The following TREML1 variants were observed in gnomAD, a reference collection of about 807,000 sequenced individuals.
TREML1 encodes the protein trem-like transcript 1 protein.
In TREML1, 27 loss-of-function variants were observed where a neutral mutation model predicts 22.8. The ratio of observed to expected loss-of-function variants is 1.19; its 90% CI spans 0.87 to 1.64. The LOEUF (loss-of-function observed/expected upper bound fraction) is 1.64, where lower values mean the gene tolerates loss of function less well. Ranked by LOEUF, TREML1 falls within the 40% of genes most tolerant of loss-of-function variation. The pLI is 0.00. For missense variants in TREML1, 356 were observed against 382.0 expected, an observed-to-expected ratio of 0.93 and a Z score of 0.57; for synonymous variants, 153 against 161.9, an observed-to-expected ratio of 0.94 and a Z score of 0.42.
Position 41,151,296 on chromosome 6 carries a change from GCT to G in TREML1, c.463_464del (p.Ser155ProfsTer3). 6.2e-7 allele frequency: 1 copy of G among 1,614,102 alleles called. No individual in the cohort carries two copies. Among genetic ancestry groups the G allele is most frequent in the South Asian group, 1.1e-5 (1 of 91,082 alleles). On this transcript the variant is annotated frameshift_variant, in exon 3 of 6. Coordinates refer to ENST00000426005, the MANE Select transcript of TREML1 (RefSeq NM_178174.4). LOFTEE classifies it high-confidence loss of function. ...CCTGTCAGTACCTCTTCTCATCCTG[GCT>G]GGGTTCCAAAGGGTTGGCACTGCCT... ...PAGSANPLEPSQDEKSIPLIW... is the reference protein window; with the variant it reads ...PAGSANPLEPXQDEKSIPLIW...
intron 2 of TREML1, among the ~76,000 whole-genome samples, chr6:41,152,369 G>A (rs1195591611): frequency 1.3e-5 from 2 of 152,178 alleles, no homozygotes; most frequent in East Asian, 3.9e-4. Context: ...CTGCCTCCCT[G>A]ACGCTCCTCC....
At chr6:41,151,034 G>T in intron 3 of TREML1, 127 bp from the exon 4 acceptor site, 1 of 829,088 alleles carries the variant, frequency 1.2e-6, no homozygotes, top group East Asian at 2.6e-5. Context: ...ATAGAATGAG[G>T]GGAGCTGACT....
At chr6:41,153,673 C>A in intron 2 of TREML1, 85 bp downstream of exon 2, 1 of 1,409,616 alleles carries the variant, frequency 7.1e-7, no homozygotes, top group Non-Finnish European at 9.6e-7. Context: ...GGGGCCCCCA[C>A]TCCTCAAGAA....
Position 41,149,610 on chromosome 6 carries a change from G to C in TREML1, c.930C>G (p.Ser310=), listed in dbSNP as rs1189735452. Residue 310 remains serine, a synonymous_variant, in exon 6 of 6, where the codon TCC becomes TCG. Transcript: ENST00000426005. The part of the protein sequence containing the change: ...AQNPPNNQTP[S]S ...TTAAAGTGTGATGAGCAGCTTAGCTGGATGGAGTCTGATTGTTAGGTGGAT... is the reference window on the plus strand; with the variant it reads ...TTAAAGTGTGATGAGCAGCTTAGCTCGATGGAGTCTGATTGTTAGGTGGAT... 1.9e-6 allele frequency: 3 copies of C among 1,610,316 alleles called. No individual in the cohort carries two copies. The highest frequency in any genetic ancestry group is 3.3e-5 in the Admixed American group (2 of 59,912).
chr6:41,153,861 C>A lies in TREML1; in HGVS notation c.273G>T (p.Met91Ile), dbSNP rs1354212257. ...DLGGGLLQVE[M>I]VTLQEEDAGE... ...CAGCATCCTCTTCCTGCAGGGTAACCATTTCCACCTGCAGCAGGCCCCCAC... is the reference window on the plus strand; with the variant it reads ...CAGCATCCTCTTCCTGCAGGGTAACAATTTCCACCTGCAGCAGGCCCCCAC... The change falls in exon 2 of 6, where the codon ATG (methionine) becomes ATT (isoleucine). Residue 91 changes from methionine (M) to isoleucine (I), a missense_variant. Physicochemically the swap from Met to Ile is conservative, Grantham distance 10. Transcript: ENST00000426005. 4.3e-6 allele frequency: 7 copies of A among 1,614,206 alleles called. No homozygotes were observed. Among genetic ancestry groups the A allele is most frequent in the Non-Finnish European group, 5.9e-6 (7 of 1,180,028 alleles).
rs1445747029 is a variant in TREML1 at position 41,149,578 on chromosome 6, C to T, written c.*26G>A. On this transcript the variant is annotated 3_prime_UTR_variant, in exon 6 of 6. Coordinates refer to ENST00000426005, the MANE Select transcript of TREML1 (RefSeq NM_178174.4). ...GCACAGAACCCCTAGGGATGGTCCT[C>T]ATGAGTTTAAAGTGTGATGAGCAGC... 2 of 1,587,824 alleles carry T rather than the reference C, an allele frequency of 1.3e-6. No homozygotes were observed. The highest frequency in any genetic ancestry group is 2.7e-5 in the African/African-American group (2 of 74,706).
chr6:41,152,288 C>T (rs776629928), intron 2 of TREML1, among the ~76,000 whole-genome samples: 15 of 152,270 alleles, frequency 9.9e-5, no homozygotes, highest in Non-Finnish European at 1.6e-4. Flanking sequence ...GGATGCTACG[C>T]GCCACCTGCC....
chr6:41,151,174 T>G, intron 3 of TREML1, 108 bp downstream of exon 3: 1 of 1,004,258 alleles, frequency 1.0e-6, no homozygotes, highest in Non-Finnish European at 1.6e-6. Flanking sequence ...TCCCCAGAGG[T>G]GGGAAGAATC....
chr6:41,152,755 C>G (rs1162392101), intron 2 of TREML1, among the ~76,000 whole-genome samples: 2 of 152,062 alleles, frequency 1.3e-5, no homozygotes, highest in Non-Finnish European at 2.9e-5. Flanking sequence ...CACCTGTAGT[C>G]CCAGTTACTT....
At chr6:41,151,207 G>T in intron 3 of TREML1, 75 bp downstream of exon 3, 2 of 1,321,704 alleles carry the variant, frequency 1.5e-6, no homozygotes, top group Non-Finnish European at 2.2e-6. Context: ...CTTCGATTTA[G>T]TTTGGAGCTC....
intron 2 of TREML1, among the ~76,000 whole-genome samples, chr6:41,153,545 G>A (rs918850302): frequency 6.6e-6 from 1 of 152,126 alleles, no homozygotes; most frequent in African/African-American, 2.4e-5. Context: ...AAGCGCAGTA[G>A]TGTGGAAGGG....
upstream of TREML1, among the ~76,000 whole-genome samples, chr6:41,154,839 C>T (rs1765379874): frequency 6.6e-6 from 1 of 152,194 alleles, no homozygotes; most frequent in African/African-American, 2.4e-5. Flanking sequence ...CACTATAGAA[C>T]CCTTCCATCT....
chr6:41,154,494 C>G (rs1436766166), upstream of TREML1, among the ~76,000 whole-genome samples: 1 of 152,152 alleles, frequency 6.6e-6, no homozygotes, highest in Non-Finnish European at 1.5e-5. Flanking sequence ...GTGGGCAAGA[C>G]AGGATGAGAA....
At chr6:41,152,413 A>C (rs1397110113) in intron 2 of TREML1, among the ~76,000 whole-genome samples, 2 of 152,132 alleles carry the variant, frequency 1.3e-5, no homozygotes, top group East Asian at 1.9e-4. Context: ...TTTGCCTTTT[A>C]GTGAGTTAGA....
At chr6:41,152,273 T>C (rs1220178727) in intron 2 of TREML1, among the ~76,000 whole-genome samples, 1 of 152,076 alleles carries the variant, frequency 6.6e-6, no homozygotes, top group Non-Finnish European at 1.5e-5. Flanking sequence ...AGCCACATCA[T>C]CTCTGGATGC....
In TREML1 at chr6:41,149,867, A is replaced by G. The variant is rs1350854713; in HGVS notation, c.673T>C (p.Leu225=). The change falls in exon 6 of 6, where the codon TTG becomes CTG. Residue 225 remains leucine, a synonymous_variant. Transcript: ENST00000426005. ...CTAATGTGTGGTACATCCAAAGGCAATTCAGCAGCCGGTCCAGAGTCACTG... is the reference window on the plus strand; with the variant it reads ...CTAATGTGTGGTACATCCAAAGGCAGTTCAGCAGCCGGTCCAGAGTCACTG... The part of the protein sequence containing the change: ...HVSDSGPAAE[L]PLDVPHIRLD... The G allele has an allele frequency of 3.1e-6, 5 of 1,614,046 alleles. No individual in the cohort carries two copies. The highest frequency in any genetic ancestry group is 1.6e-4 in the Middle Eastern group (1 of 6,084).
chr6:41,151,564 C>T, intron 2 of TREML1, 180 bp from the exon 3 acceptor site: 1 of 599,978 alleles, frequency 1.7e-6, no homozygotes, highest in South Asian at 2.0e-5. Context: ...TGTCACTCCA[C>T]AGATCAGGAA....
chr6:41,155,271 G>A (rs1474804514), upstream of TREML1, among the ~76,000 whole-genome samples: 1 of 152,056 alleles, frequency 6.6e-6, no homozygotes, highest in East Asian at 1.9e-4. Flanking sequence ...GCCAAGTTTT[G>A]CTGAAGGGTG....
chr6:41,151,413 A>G, intron 2 of TREML1, 29 bp from the exon 3 acceptor site: 1 of 1,601,046 alleles, frequency 6.2e-7, no homozygotes, highest in African/African-American at 1.3e-5. Flanking sequence ...AGTCAGAAGG[A>G]AACATTTAAT....
Sources: gnomAD v4.1 joint callset for allele counts (sites outside exome capture counted in the v4.1 genomes callset) on GRCh38, gnomAD v4.1.1 for gene constraint, MANE v1.5 for transcripts, NCBI Gene and HGNC (gene_info 2026-07-23, HGNC 2026-07-21) for gene names.